CCDC171: variants seen among roughly 807,000 people sequenced by gnomAD.
CCDC171 encodes the protein coiled-coil domain-containing protein 171.
A neutral mutation model predicts 168.2 loss-of-function variants in CCDC171; 177 were observed. That is an observed-to-expected ratio of 1.05 (90% CI 0.93 to 1.19). The LOEUF is 1.19. Ranked by LOEUF, CCDC171 falls within the 50% of genes most tolerant of loss-of-function variation. The pLI, the probability that CCDC171 is intolerant of heterozygous loss-of-function variation, is 0.00. For synonymous variants in CCDC171, 687 were observed against 540.8 expected, an observed-to-expected ratio of 1.27 and a Z score of -3.75; for missense variants, 1,991 against 1,539.0, an observed-to-expected ratio of 1.29 and a Z score of -4.91.
In CCDC171 at chr9:15,874,680, C is replaced by A; in HGVS notation, c.3600+17C>A. Reference sequence around the variant, plus strand: ...GCATGCCAGGTTAGAGTCTAAATAACATTGTTTGCTACTGAGACATATAGA... The same window carrying A: ...GCATGCCAGGTTAGAGTCTAAATAAAATTGTTTGCTACTGAGACATATAGA... On this transcript the variant is annotated intron_variant, in intron 24 of 25. Coordinates refer to ENST00000380701, the MANE Select transcript of CCDC171 (RefSeq NM_173550.4). 2 of 1,547,896 alleles carry A rather than the reference C, an allele frequency of 1.3e-6. No individual in the cohort carries two copies. Among genetic ancestry groups the A allele is most frequent in the South Asian group, 1.2e-5 (1 of 80,664 alleles).
Position 15,874,856 on chromosome 9 carries a change from G to C in CCDC171, c.3600+193G>C, listed in dbSNP as rs1817641889. On this transcript the variant is annotated intron_variant, in intron 24 of 25. Transcript: ENST00000380701. The stretch of plus-strand genomic sequence containing the variant: ...TTTTTTTCTTTAAAGCCTAGAACTA[G>C]CCTATTAAAATAATCCAGAAAAGTG... 1.5e-5 allele frequency: 7 copies of C among 458,340 alleles called. No individual in the cohort carries two copies. In the East Asian group the frequency reaches 2.9e-4, roughly 19 times the overall value. The allele number at this position is 458,340 out of a possible 1,614,324, so 28.4% of individuals were successfully genotyped here.
chr9:15,784,427 T>C (rs939379309), intron 20 of CCDC171, 82 bp from the exon 21 acceptor site: 7 of 832,326 alleles, frequency 8.4e-6, no homozygotes, highest in East Asian at 2.7e-5. Flanking sequence ...GTTTGTATTA[T>C]ATTCCTTTAG....
chr9:15,863,217 C>T (rs2061633566), intron 23 of CCDC171, among the ~76,000 whole-genome samples: 1 of 151,996 alleles, frequency 6.6e-6, no homozygotes, highest in Non-Finnish European at 1.5e-5. Context: ...GCTGAGAGTT[C>T]CCTCCTGGTA....
chr9:16,019,896 C>G (rs111273763), intron 3 of CCDC171, among the ~76,000 whole-genome samples: 2,630 of 152,226 alleles, frequency 0.017, 74 homozygotes, highest in African/African-American at 0.059. Context: ...TCAATAGGCT[C>G]TGGCACTGAA....
rs936207711 is a variant in CCDC171, at chr9:15,784,402, C to T, written c.3082-107C>T. On this transcript the variant is annotated intron_variant, in intron 20 of 25. Coordinates refer to ENST00000380701, the MANE Select transcript of CCDC171 (RefSeq NM_173550.4). ...AGCTAATTGTATTTTTTTAATGTAT[C>T]AAGTGCCTAGAAATGTTTGTATTAT... 5 of 575,462 alleles carry T rather than the reference C, an allele frequency of 8.7e-6. No homozygotes were observed. In the African/African-American group the frequency reaches 9.6e-5, roughly 11 times the overall value. The allele number at this position is 575,462 out of a possible 1,614,324, so 35.6% of individuals were successfully genotyped here.
chr9:15,820,502 G>A lies in CCDC171; in HGVS notation c.3268-26200G>A, dbSNP rs1277390259. 9.5e-5 allele frequency among the ~76,000 whole-genome samples: 11 copies of A among 115,688 alleles called. 3 individuals are homozygous for A. Among genetic ancestry groups the A allele is most frequent in the Admixed American group, 9.0e-4 (11 of 12,228 alleles). The allele number at this position is 115,688 out of a possible 152,430, so 75.9% of individuals were successfully genotyped here. ...TAGATGCAATAAAAAATGATAAAGG[G>A]GATATCACCACCGATCCCACAGAAA... On this transcript the variant is annotated intron_variant, in intron 21 of 25. Coordinates refer to ENST00000380701, the MANE Select transcript of CCDC171 (RefSeq NM_173550.4).
At chr9:16,061,809 A>G (rs1353591691), downstream of CCDC171, 1 of 152,188 alleles carries the variant, frequency 6.6e-6, no homozygotes, top group African/African-American at 2.4e-5. Flanking sequence ...CAACTTGTCC[A>G]TGGTAAAGCT....
chr9:15,839,253 A>G (rs1183598117), intron 21 of CCDC171, among the ~76,000 whole-genome samples: 1 of 152,226 alleles, frequency 6.6e-6, no homozygotes, highest in African/African-American at 2.4e-5. Context: ...TAATATAAGT[A>G]GAAAGTAACC....
intron 9 of CCDC171, among the ~76,000 whole-genome samples, chr9:15,667,580 A>T (rs2048823309): frequency 6.6e-6 from 1 of 152,158 alleles, no homozygotes; most frequent in Admixed American, 6.5e-5. Flanking sequence ...CGGGAGGCAG[A>T]GGTTGCAGTG....
In CCDC171 at chr9:15,572,279, G is replaced by T. The variant is rs1587049282; in HGVS notation, c.177+520G>T. On this transcript the variant is annotated intron_variant, in intron 3 of 25. Transcript: ENST00000380701. Reference sequence around the variant, plus strand: ...CCTTCCCTTCTAAGATAATTCATGAGTCATATCTTTATGCCTCTTCTCTCT... The same window carrying T: ...CCTTCCCTTCTAAGATAATTCATGATTCATATCTTTATGCCTCTTCTCTCT... Among the ~76,000 whole-genome samples, 4 of 152,206 alleles carry T rather than the reference G, an allele frequency of 2.6e-5. No homozygotes were observed. In the East Asian group the frequency reaches 7.7e-4, roughly 29 times the overall value.
chr9:15,619,279 C>A (rs2044328961), intron 6 of CCDC171, among the ~76,000 whole-genome samples: 1 of 152,154 alleles, frequency 6.6e-6, no homozygotes, highest in Non-Finnish European at 1.5e-5. Context: ...TGTTGAAAAC[C>A]AGTACAGGCC....
intron 24 of CCDC171, among the ~76,000 whole-genome samples, chr9:15,884,031 A>G (rs1386022503): frequency 6.6e-6 from 1 of 152,172 alleles, no homozygotes; most frequent in Non-Finnish European, 1.5e-5. Context: ...TCATTATTTT[A>G]TACAATTGTT....
chr9:16,000,645 C>G (rs890597539), intron 3 of CCDC171, among the ~76,000 whole-genome samples: 1 of 151,948 alleles, frequency 6.6e-6, no homozygotes, highest in Non-Finnish European at 1.5e-5. Flanking sequence ...ACAGGTATGT[C>G]TGTAGATATC....
At chr9:15,971,280 A>T (rs1831333131) in intron 25 of CCDC171, among the ~76,000 whole-genome samples, 1 of 152,142 alleles carries the variant, frequency 6.6e-6, no homozygotes, top group Admixed American at 6.6e-5. Context: ...GGTTTCTGTA[A>T]ATTGCCAATG....
intron 7 of CCDC171, among the ~76,000 whole-genome samples, chr9:15,651,840 G>C (rs541292363): frequency 6.7e-6 from 1 of 150,256 alleles, no homozygotes; most frequent in Non-Finnish European, 1.5e-5. Flanking sequence ...TTGTTTGTTT[G>C]TTTGTTTGTT....
chr9:15,663,850 C>T (rs1202320322), intron 8 of CCDC171, among the ~76,000 whole-genome samples: 1 of 152,100 alleles, frequency 6.6e-6, no homozygotes, highest in African/African-American at 2.4e-5. Context: ...TCATGATCCG[C>T]CTGCCTCGGC....
intron 21 of CCDC171, among the ~76,000 whole-genome samples, chr9:15,823,431 A>C (rs187490701): frequency 6.6e-6 from 1 of 152,272 alleles, no homozygotes; most frequent in East Asian, 1.9e-4. Flanking sequence ...TATACTTTAC[A>C]TAAAGTTAAT....
chr9:15,673,705 A>G (rs1239936634), intron 9 of CCDC171, among the ~76,000 whole-genome samples: 2 of 152,160 alleles, frequency 1.3e-5, no homozygotes, highest in Non-Finnish European at 2.9e-5. Context: ...AGCCAACTTG[A>G]TCGTGGTGGA....
intron 21 of CCDC171, among the ~76,000 whole-genome samples, chr9:15,833,443 G>A (rs1198354619): frequency 6.6e-6 from 1 of 152,116 alleles, no homozygotes; most frequent in Non-Finnish European, 1.5e-5. Flanking sequence ...ATTCATTTAT[G>A]TTGTGCCACT....
Sources: allele counts gnomAD v4.1 joint callset (sites outside exome capture counted in the v4.1 genomes callset), GRCh38; gene constraint gnomAD v4.1.1; transcripts MANE v1.5; gene names NCBI Gene and HGNC (gene_info 2026-07-23, HGNC 2026-07-21).